The following PTPRG variants were observed in gnomAD, a reference collection of about 807,000 sequenced individuals.
PTPRG encodes the protein protein tyrosine phosphatase receptor type G, also known as receptor-type tyrosine-protein phosphatase gamma.
A neutral mutation model predicts 165.3 loss-of-function variants in PTPRG; 102 were observed. The ratio of observed to expected loss-of-function variants is 0.62; its 90% CI spans 0.53 to 0.73. The LOEUF (loss-of-function observed/expected upper bound fraction) is 0.73. PTPRG is among the 30% of genes least tolerant of loss of function. The pLI is 0.00. For synonymous variants in PTPRG, 675 were observed against 669.5 expected (o/e 1.01, Z -0.13); for missense variants, 1,866 against 1,861.4 (o/e 1.00, Z -0.05).
At chr3:61,773,867 C>T (rs534613645) in intron 2 of PTPRG, among the ~76,000 whole-genome samples, 3 of 152,096 alleles carry the variant, frequency 2.0e-5, no homozygotes, top group East Asian at 1.9e-4. Flanking sequence ...CTCCGTCCCC[C>T]GTGTTCAAGC....
intron 28 of PTPRG, among the ~76,000 whole-genome samples, chr3:62,286,623 T>C (rs1339852506): frequency 6.6e-6 from 1 of 152,128 alleles, no homozygotes; most frequent in African/African-American, 2.4e-5. Flanking sequence ...TGTAAAATCT[T>C]TGAAGTAAAT....
intron 1 of PTPRG, among the ~76,000 whole-genome samples, chr3:61,741,280 C>G (rs1315675558): frequency 6.6e-6 from 1 of 152,142 alleles, no homozygotes; most frequent in Non-Finnish European, 1.5e-5. Context: ...TGGATATCTT[C>G]GTTCTAGATT....
chr3:61,671,999 CA>C (rs1703017273), intron 1 of PTPRG, among the ~76,000 whole-genome samples: 1 of 119,480 alleles, frequency 8.4e-6, no homozygotes, highest in Admixed American at 7.9e-5. Flanking sequence ...CCTCACTTCT[CA>C]GACGGGGCGG....
intron 8 of PTPRG, among the ~76,000 whole-genome samples, chr3:62,184,175 G>A (rs1039098849): frequency 1.2e-4 from 19 of 152,176 alleles, no homozygotes; most frequent in Admixed American, 2.0e-4. Flanking sequence ...GGGATGATCC[G>A]AGAGGAATGC....
intron 2 of PTPRG, among the ~76,000 whole-genome samples, chr3:61,839,138 TA>T (rs1449390700): frequency 1.3e-5 from 2 of 152,186 alleles, no homozygotes; most frequent in African/African-American, 2.4e-5. Flanking sequence ...AACTTTCAAT[TA>T]GGGGCTTTAA....
At chr3:62,053,266 GTTT>G (rs36000751) in intron 4 of PTPRG, among the ~76,000 whole-genome samples, 3 of 130,960 alleles carry the variant, frequency 2.3e-5, no homozygotes, top group Non-Finnish European at 4.8e-5. Context: ...ACTGCCTTGG[GTTT>G]TTTTTTTTTT....
At chr3:62,087,031 C>T (rs541980029) in intron 5 of PTPRG, among the ~76,000 whole-genome samples, 93 of 152,276 alleles carry the variant, frequency 6.1e-4, no homozygotes, top group Non-Finnish European at 1.1e-3. Context: ...ACTTCAAGGA[C>T]GTTACCAAGT....
intron 1 of PTPRG, among the ~76,000 whole-genome samples, chr3:61,717,082 A>G (rs970512868): frequency 6.6e-6 from 1 of 152,216 alleles, no homozygotes; most frequent in Non-Finnish European, 1.5e-5. Context: ...AGATATATTG[A>G]TGCTCTTGTT....
intron 1 of PTPRG, among the ~76,000 whole-genome samples, chr3:61,603,420 A>G (rs755954075): frequency 4.9e-4 from 74 of 152,168 alleles, no homozygotes; most frequent in Non-Finnish European, 9.3e-4. Context: ...GCCTTCTGCC[A>G]TGATTGAAAG....
chr3:61,829,736 T>A (rs1315799357), intron 2 of PTPRG, among the ~76,000 whole-genome samples: 1 of 152,196 alleles, frequency 6.6e-6, no homozygotes, highest in Non-Finnish European at 1.5e-5. Flanking sequence ...TTCCTTTTGG[T>A]TTTTTTAATT....
chr3:61,843,206 G>C (rs1266464926), intron 2 of PTPRG, among the ~76,000 whole-genome samples: 4 of 152,044 alleles, frequency 2.6e-5, no homozygotes, highest in Middle Eastern at 3.2e-3. Context: ...TTAATCTATA[G>C]CCCATCTGAA....
intron 2 of PTPRG, among the ~76,000 whole-genome samples, chr3:61,840,775 T>G (rs1225458934): frequency 1.2e-4 from 14 of 119,700 alleles, no homozygotes; most frequent in African/African-American, 4.8e-4. Context: ...GTTTTTTTTG[T>G]TTGTTTGTTT....
chr3:62,113,479 T>A (rs1702742712), intron 5 of PTPRG, among the ~76,000 whole-genome samples: 1 of 152,246 alleles, frequency 6.6e-6, no homozygotes, highest in South Asian at 2.1e-4. Flanking sequence ...TATACACAGA[T>A]CCAAATCGTA....
At chr3:61,705,129 A>G (rs1378671145) in intron 1 of PTPRG, among the ~76,000 whole-genome samples, 3 of 152,300 alleles carry the variant, frequency 2.0e-5, no homozygotes, top group African/African-American at 4.8e-5. Flanking sequence ...AGCCCCAGGT[A>G]TTTGCTTATC....
intron 1 of PTPRG, among the ~76,000 whole-genome samples, chr3:61,707,249 T>A (rs181728771): frequency 6.6e-6 from 1 of 152,350 alleles, no homozygotes; most frequent in African/African-American, 2.4e-5. Flanking sequence ...CACAGAAGTT[T>A]AGTTAGTATT....
intron 1 of PTPRG, among the ~76,000 whole-genome samples, chr3:61,700,171 G>T (rs56169290): frequency 0.042 from 6,361 of 152,208 alleles, 183 homozygotes; most frequent in Non-Finnish European, 0.066. Context: ...GCCATATGCT[G>T]CTAAAACTTG....
At chr3:62,268,170 G>C (rs1701945174) in intron 19 of PTPRG, among the ~76,000 whole-genome samples, 1 of 152,064 alleles carries the variant, frequency 6.6e-6, no homozygotes, top group Non-Finnish European at 1.5e-5. Context: ...GGTGTTCTAA[G>C]TACAGGGGAC....
chr3:61,774,751 T>C (rs1329602683), intron 2 of PTPRG, among the ~76,000 whole-genome samples: 1 of 152,212 alleles, frequency 6.6e-6, no homozygotes, highest in African/African-American at 2.4e-5. Flanking sequence ...TGCCTACCGG[T>C]GTCTCTGCTT....
At chr3:61,709,889 G>GCAA (rs2031462678) in intron 1 of PTPRG, among the ~76,000 whole-genome samples, 1 of 152,146 alleles carries the variant, frequency 6.6e-6, no homozygotes, top group Admixed American at 6.5e-5. Context: ...ACGGCTTGAT[G>GCAA]CAACATAGAT....
Sources: allele counts gnomAD v4.1 joint callset (sites outside exome capture counted in the v4.1 genomes callset), GRCh38; gene constraint gnomAD v4.1.1; transcripts MANE v1.5; gene names NCBI Gene and HGNC (gene_info 2026-07-23, HGNC 2026-07-21).